Variants in LHFPL3 observed in about 807,000 individuals in gnomAD.
LHFPL3 encodes LHFPL tetraspan subfamily member 3 protein.
Under a neutral mutation model 19.3 loss-of-function variants are expected in LHFPL3, and 5 were observed. That is an observed-to-expected ratio of 0.26 (90% CI 0.14 to 0.54). The LOEUF is 0.54. LHFPL3 is among the 20% of genes least tolerant of loss of function. LHFPL3 has a pLI of 0.94. For missense variants in LHFPL3, 249 were observed against 307.4 expected, an observed-to-expected ratio of 0.81 and a Z score of 1.42; for synonymous variants, 133 against 126.2, an observed-to-expected ratio of 1.05 and a Z score of -0.36.
chr7:104,495,387 T>A (rs528942889), intron 1 of LHFPL3, among the ~76,000 whole-genome samples: 253 of 151,756 alleles, frequency 1.7e-3, no homozygotes, highest in African/African-American at 5.1e-3. Context: ...AAAAAAAAAA[T>A]TTTTTTTCTT....
At chr7:104,378,843 A>G (rs1790766438) in intron 1 of LHFPL3, among the ~76,000 whole-genome samples, 1 of 152,196 alleles carries the variant, frequency 6.6e-6, no homozygotes, top group Non-Finnish European at 1.5e-5. Flanking sequence ...TTATGCATAA[A>G]AGTTCTTCAT....
At chr7:104,400,607 G>T (rs1467285924) in intron 1 of LHFPL3, among the ~76,000 whole-genome samples, 1 of 151,890 alleles carries the variant, frequency 6.6e-6, no homozygotes, top group Non-Finnish European at 1.5e-5. Flanking sequence ...TTATTATTAT[G>T]CTGCATAAGT....
intron 1 of LHFPL3, among the ~76,000 whole-genome samples, chr7:104,732,229 C>T (rs920166539): frequency 6.6e-6 from 1 of 152,170 alleles, no homozygotes; most frequent in Non-Finnish European, 1.5e-5. Context: ...CAGGATGGTG[C>T]TGGCCTCATA....
At chr7:104,845,468 T>G in intron 2 of LHFPL3, 1 of 1,529,974 alleles carries the variant, frequency 6.5e-7, no homozygotes, top group Non-Finnish European at 8.7e-7. Flanking sequence ...AGCTCTGTTT[T>G]GTGCGCTTCT....
chr7:104,577,273 G>T (rs1206340759), intron 1 of LHFPL3, among the ~76,000 whole-genome samples: 1 of 152,118 alleles, frequency 6.6e-6, no homozygotes, highest in Non-Finnish European at 1.5e-5. Context: ...TCAAGGAGAG[G>T]CACAAACCTT....
At chr7:104,878,191 T>C (rs1791985146) in intron 2 of LHFPL3, among the ~76,000 whole-genome samples, 1 of 152,082 alleles carries the variant, frequency 6.6e-6, no homozygotes, top group African/African-American at 2.4e-5. Context: ...GTCTATCAGA[T>C]GATGGATAAA....
intron 1 of LHFPL3, among the ~76,000 whole-genome samples, chr7:104,528,110 C>T (rs1794224810): frequency 6.6e-6 from 1 of 152,176 alleles, no homozygotes; most frequent in African/African-American, 2.4e-5. Flanking sequence ...TTCTTAGACC[C>T]TGTGATACAT....
At chr7:104,374,627 C>T (rs1790675315) in intron 1 of LHFPL3, among the ~76,000 whole-genome samples, 1 of 152,076 alleles carries the variant, frequency 6.6e-6, no homozygotes, top group Non-Finnish European at 1.5e-5. Flanking sequence ...AGACACAGCA[C>T]CATAAGTACT....
intron 1 of LHFPL3, among the ~76,000 whole-genome samples, chr7:104,349,578 A>T (rs1029517910): frequency 6.6e-6 from 1 of 152,242 alleles, no homozygotes; most frequent in Admixed American, 6.5e-5. Flanking sequence ...CTGCTATTTT[A>T]TTAAAAAGTA....
At chr7:104,580,568 A>G (rs1347391383) in intron 1 of LHFPL3, among the ~76,000 whole-genome samples, 2 of 152,108 alleles carry the variant, frequency 1.3e-5, no homozygotes, top group Non-Finnish European at 2.9e-5. Context: ...TCAATATTTC[A>G]TTATAATGTA....
chr7:104,814,750 C>T (rs1013981398), intron 2 of LHFPL3, among the ~76,000 whole-genome samples: 3 of 152,238 alleles, frequency 2.0e-5, no homozygotes, highest in African/African-American at 7.2e-5. Flanking sequence ...CCAGAGGGGG[C>T]AGATGCAGCA....
intron 1 of LHFPL3, among the ~76,000 whole-genome samples, chr7:104,549,124 G>A (rs1439225339): frequency 2.0e-5 from 3 of 152,066 alleles, no homozygotes; most frequent in African/African-American, 4.8e-5. Flanking sequence ...GTACGCTGGT[G>A]GAGAAAGGAG....
chr7:104,750,739 C>T (rs957153348), intron 2 of LHFPL3, among the ~76,000 whole-genome samples: 6 of 152,088 alleles, frequency 3.9e-5, no homozygotes, highest in Non-Finnish European at 7.3e-5. Flanking sequence ...TGGCTTATTC[C>T]CTGAAACACT....
intron 1 of LHFPL3, among the ~76,000 whole-genome samples, chr7:104,721,419 T>C (rs576804788): frequency 6.6e-5 from 10 of 152,076 alleles, no homozygotes; most frequent in Non-Finnish European, 1.2e-4. Flanking sequence ...GGGATAGCAT[T>C]AGGAGAAATA....
intron 2 of LHFPL3, among the ~76,000 whole-genome samples, chr7:104,835,866 AC>A (rs1490204273): frequency 6.6e-6 from 1 of 151,952 alleles, no homozygotes; most frequent in Non-Finnish European, 1.5e-5. Flanking sequence ...TGAACCTGTC[AC>A]CAAGGTTTTA....
chr7:104,907,382 T>C lies in LHFPL3; in HGVS notation c.*1167T>C, dbSNP rs1341426348. 6.6e-6 allele frequency: 1 copy of C among 152,170 alleles called. No individual in the cohort carries two copies. Among genetic ancestry groups the C allele is most frequent in the African/African-American group, 2.4e-5 (1 of 41,446 alleles). 9.4% of individuals were successfully genotyped at this position (152,170 alleles called of 1,614,324 possible). ...AAAACTCGGTAGGAATAAGTTACCT[T>C]TTTGTTTACTAATGTTGGTTTCAAA... On this transcript the variant is annotated 3_prime_UTR_variant, in exon 3 of 3. Coordinates refer to ENST00000424859, the MANE Select transcript of LHFPL3 (RefSeq NM_199000.3).
At chr7:104,749,880 A>G (rs1272384330) in intron 2 of LHFPL3, among the ~76,000 whole-genome samples, 2 of 152,334 alleles carry the variant, frequency 1.3e-5, no homozygotes, top group African/African-American at 4.8e-5. Flanking sequence ...CCTAAAAAGG[A>G]TACCCTATTC....
Position 104,811,374 on chromosome 7 carries a change from AT to A in LHFPL3, c.682+74470del, listed in dbSNP as rs561621328. 1.9e-4 allele frequency among the ~76,000 whole-genome samples: 29 copies of A among 151,858 alleles called. No homozygotes were observed. In the East Asian group the frequency reaches 4.5e-3, roughly 23 times the overall value. On this transcript the variant is annotated intron_variant, in intron 2 of 2. Coordinates refer to ENST00000424859, the MANE Select transcript of LHFPL3 (RefSeq NM_199000.3). ...TGTGCCTGGCTAATTTTTTAATTTT[AT>A]TTTTTTGTAGAGATGAGGTCTCACC...
At chr7:104,569,811 A>G (rs1790194014) in intron 1 of LHFPL3, among the ~76,000 whole-genome samples, 1 of 152,176 alleles carries the variant, frequency 6.6e-6, no homozygotes, top group African/African-American at 2.4e-5. Context: ...AACTTGCCCC[A>G]GGTCACGTAA....
Sources: gnomAD v4.1 joint callset for allele counts (sites outside exome capture counted in the v4.1 genomes callset) on GRCh38, gnomAD v4.1.1 for gene constraint, MANE v1.5 for transcripts, NCBI Gene and HGNC (gene_info 2026-07-23, HGNC 2026-07-21) for gene names.